Variants in SERINC1 observed in about 807,000 individuals in gnomAD.
The protein encoded by SERINC1 is tumor differentially expressed protein 2.
Under a neutral mutation model 52.9 loss-of-function variants are expected in SERINC1, and 38 were observed. That is an observed-to-expected ratio of 0.72 (90% CI 0.55 to 0.94). SERINC1 has a LOEUF of 0.94. Ranked by LOEUF, SERINC1 falls within the 40% of genes least tolerant of loss-of-function variation. SERINC1 has a pLI of 0.00. For missense variants in SERINC1, 471 were observed against 533.9 expected (o/e 0.88, Z 1.16); for synonymous variants, 198 against 183.1 (o/e 1.08, Z -0.66).
chr6:122,466,791 C>A (rs1238129598), intron 1 of SERINC1, among the ~76,000 whole-genome samples: 4 of 152,098 alleles, frequency 2.6e-5, no homozygotes, highest in Non-Finnish European at 4.4e-5. Context: ...CCTAGAGTTT[C>A]AGTCCAGGAA....
chr6:122,470,027 G>T (rs926980819), intron 1 of SERINC1, among the ~76,000 whole-genome samples: 2 of 152,108 alleles, frequency 1.3e-5, no homozygotes, highest in Non-Finnish European at 2.9e-5. Context: ...GGAAGAAAAG[G>T]GAAAAAGATT....
intron 1 of SERINC1, among the ~76,000 whole-genome samples, chr6:122,466,957 A>G (rs372396631): frequency 6.6e-6 from 1 of 152,226 alleles, no homozygotes; most frequent in Admixed American, 6.5e-5. Flanking sequence ...CAGCAAGACT[A>G]CAAGTCTACA....
Position 122,451,985 on chromosome 6 carries a change from G to A in SERINC1, c.662C>T (p.Thr221Ile), listed in dbSNP as rs139400194. 5 of 1,598,836 alleles carry A rather than the reference G, an allele frequency of 3.1e-6. No homozygotes were observed. The African/African-American group carries it at 6.8e-5, about 22-fold the overall frequency. ...GTTTTCTGAACAACTGGCTGGATGA[G>A]TGTAGTAGACAAAGAACAGGACGAT... ...VAIVLFFVYY[T>I]HPASCSENKA... Residue 221 changes from threonine (T) to isoleucine (I), a missense_variant, in exon 6 of 10, where the codon ACT becomes ATT. Transcript: ENST00000339697.
chr6:122,453,289 T>C (rs1332902289), intron 5 of SERINC1, among the ~76,000 whole-genome samples: 1 of 152,202 alleles, frequency 6.6e-6, no homozygotes, highest in Non-Finnish European at 1.5e-5. Context: ...TACATTACTA[T>C]AGGAATTCCT....
chr6:122,452,796 T>C (rs1467455346), intron 5 of SERINC1, among the ~76,000 whole-genome samples: 1 of 152,146 alleles, frequency 6.6e-6, no homozygotes, highest in Non-Finnish European at 1.5e-5. Context: ...AGGTATTCAA[T>C]GTAAGTGAAA....
At chr6:122,449,868 T>G (rs1051608908) in intron 7 of SERINC1, among the ~76,000 whole-genome samples, 2 of 152,026 alleles carry the variant, frequency 1.3e-5, no homozygotes, top group Non-Finnish European at 2.9e-5. Context: ...AATACAAAAT[T>G]AGCTGGGTGT....
intron 9 of SERINC1, among the ~76,000 whole-genome samples, chr6:122,445,897 A>AAAAAAAAAAAAAAAAAAAAAAC (rs1486059134): frequency 2.0e-5 from 3 of 149,478 alleles, no homozygotes; most frequent in Non-Finnish European, 4.5e-5. Context: ...AAAAAAAAAA[A>AAAAAAAAAAAAAAAAAAAAAAC]AAAGAACCAG....
chr6:122,469,386 T>G lies in SERINC1; in HGVS notation c.39+2313A>C, dbSNP rs532234478. Among the ~76,000 whole-genome samples, 601 of 150,678 alleles carry G rather than the reference T, an allele frequency of 4.0e-3. 5 individuals carry two copies. Among genetic ancestry groups the G allele is most frequent in the African/African-American group, 0.013 (544 of 40,548 alleles). On this transcript the variant is annotated intron_variant, in intron 1 of 9. Transcript: ENST00000339697. ...TGTTCTGTTTTTTGTTTTTGTTTTTTTTTTTTTTGACACAGAGTCTCACTC... is the reference window on the plus strand; with the variant it reads ...TGTTCTGTTTTTTGTTTTTGTTTTTGTTTTTTTTGACACAGAGTCTCACTC...
At chr6:122,469,093 C>G (rs545583348) in intron 1 of SERINC1, among the ~76,000 whole-genome samples, 3 of 152,128 alleles carry the variant, frequency 2.0e-5, no homozygotes, top group South Asian at 2.1e-4. Flanking sequence ...TGCCATGAAC[C>G]AAGGATTATG....
At position 122,456,541 on chromosome 6, in the gene SERINC1, A is replaced by G; in HGVS notation, c.311T>C (p.Leu104Pro). 6.2e-7 allele frequency: 1 copy of G among 1,612,484 alleles called. No individual in the cohort carries two copies. Among genetic ancestry groups the G allele is most frequent in the Non-Finnish European group, 8.5e-7 (1 of 1,179,128 alleles). The part of the protein sequence containing the change: ...CFGLAMFYLL[L>P]SLLMIKVKSS... The stretch of plus-strand genomic sequence containing the variant: ...CTTCACTTTGATCATTAGTAAAGAG[A>G]GAAGAAGATAGAACATAGCCAAACC... Residue 104 changes from leucine (L) to proline (P), a missense_variant, in exon 3 of 10, where the codon CTC (leucine) becomes CCC (proline). Transcript: ENST00000339697.
At chr6:122,455,812 G>A (rs1428782182) in intron 3 of SERINC1, among the ~76,000 whole-genome samples, 1 of 152,102 alleles carries the variant, frequency 6.6e-6, no homozygotes, top group Non-Finnish European at 1.5e-5. Context: ...AGTATAAGGT[G>A]AACTGTATAA....
At chr6:122,445,919 T>C (rs1178100481) in intron 9 of SERINC1, among the ~76,000 whole-genome samples, 3 of 142,504 alleles carry the variant, frequency 2.1e-5, no homozygotes, top group South Asian at 4.6e-4. Flanking sequence ...TGGATTCTTA[T>C]AGCTTAATAC....
chr6:122,449,225 TC>T (rs1774862564), intron 7 of SERINC1, among the ~76,000 whole-genome samples: 1 of 152,156 alleles, frequency 6.6e-6, no homozygotes, highest in South Asian at 2.1e-4. Flanking sequence ...GAGTCCCCTT[TC>T]TCACTTAAAT....
At position 122,456,592 on chromosome 6, in the gene SERINC1, T is replaced by C. The variant is rs746190637; in HGVS notation, c.260A>G (p.Tyr87Cys). The change falls in exon 3 of 10, where the codon TAT becomes TGT. Residue 87 changes from tyrosine (Y) to cysteine (C), a missense_variant. Coordinates refer to ENST00000339697, the MANE Select transcript of SERINC1 (RefSeq NM_020755.4). ...GVVPCNILVG[Y>C]KAVYRLCFGL... ...AAAGCACAAACGATATACAGCTTTA[T>C]AGCCAACCAAAATGTTACAAGGGAC... is the stretch of plus-strand genomic sequence containing the variant. 11 of 1,612,528 alleles carry C rather than the reference T, an allele frequency of 6.8e-6. No homozygotes were observed. The highest frequency in any genetic ancestry group is 1.3e-5 in the African/African-American group (1 of 74,992).
At chr6:122,448,457 T>C (rs1277841588) in intron 7 of SERINC1, among the ~76,000 whole-genome samples, 2 of 152,154 alleles carry the variant, frequency 1.3e-5, no homozygotes, top group Admixed American at 6.5e-5. Context: ...AAAGAGATCA[T>C]TTTCTTCTTT....
intron 1 of SERINC1, among the ~76,000 whole-genome samples, chr6:122,463,787 TTTC>T (rs1775144944): frequency 6.6e-6 from 1 of 152,156 alleles, no homozygotes; most frequent in South Asian, 2.1e-4. Flanking sequence ...AGTTTGACTG[TTTC>T]TTATTTTTAA....
At chr6:122,445,501 A>G (rs924174288) in intron 9 of SERINC1, among the ~76,000 whole-genome samples, 1 of 152,108 alleles carries the variant, frequency 6.6e-6, no homozygotes. Context: ...AGATGTCACT[A>G]TTACATAAGA....
At chr6:122,456,886 G>T (rs748554743) in intron 2 of SERINC1, among the ~76,000 whole-genome samples, 11 of 152,214 alleles carry the variant, frequency 7.2e-5, no homozygotes, top group Non-Finnish European at 1.5e-4. Context: ...TATGCTGGTT[G>T]CTTATTTTGA....
rs571491159 is a variant in SERINC1, at chr6:122,444,441, A to G, written c.*603T>C. On this transcript the variant is annotated 3_prime_UTR_variant, in exon 10 of 10. Transcript: ENST00000339697. Reference sequence around the variant, plus strand: ...CCAAAACAGTTCACTTTGTTGGCAAAGGCCATCTCTACCCAAGTAAGATTA... The same window carrying G: ...CCAAAACAGTTCACTTTGTTGGCAAGGGCCATCTCTACCCAAGTAAGATTA... The G allele has an allele frequency of 6.6e-5, 10 of 152,362 alleles. No homozygotes were observed. The South Asian group carries it at 2.1e-3, about 32-fold the overall frequency. 9.4% of individuals were successfully genotyped at this position (152,362 alleles called of 1,614,324 possible).
Sources: gnomAD v4.1 joint callset for allele counts (sites outside exome capture counted in the v4.1 genomes callset) on GRCh38, gnomAD v4.1.1 for gene constraint, MANE v1.5 for transcripts, NCBI Gene and HGNC (gene_info 2026-07-23, HGNC 2026-07-21) for gene names.